ST6GALNAC3: variants seen among roughly 807,000 people sequenced by gnomAD.
The protein encoded by ST6GALNAC3 is ST6 N-acetylgalactosaminide alpha-2,6-sialyltransferase 3.
ST6GALNAC3 carries 25 observed loss-of-function variants against 32.7 expected under a neutral mutation model. The ratio of observed to expected loss-of-function variants is 0.76; its 90% confidence interval spans 0.56 to 1.07. The LOEUF (loss-of-function observed/expected upper bound fraction) is 1.07, where lower values mean the gene tolerates loss of function less well. Among genes scored for constraint, ST6GALNAC3 ranks in the 50% least tolerant of loss-of-function variants. ST6GALNAC3 has a pLI of 0.00. For synonymous variants in ST6GALNAC3, 129 were observed against 133.1 expected (o/e 0.97, Z 0.21); for missense variants, 355 against 382.4 (o/e 0.93, Z 0.60).
At chr1:76,475,111 C>G (rs114643919) in intron 3 of ST6GALNAC3, among the ~76,000 whole-genome samples, 69 of 152,260 alleles carry the variant, frequency 4.5e-4, no homozygotes, top group African/African-American at 1.5e-3. Flanking sequence ...GGCGAGGTTT[C>G]ACCTGGCAGT....
At chr1:76,360,507 A>G (rs1649844155) in intron 2 of ST6GALNAC3, among the ~76,000 whole-genome samples, 1 of 152,182 alleles carries the variant, frequency 6.6e-6, no homozygotes, top group African/African-American at 2.4e-5. Context: ...TTAGGCCCCA[A>G]TTTCAAATAT....
chr1:76,177,707 T>C (rs1356473995), intron 1 of ST6GALNAC3, among the ~76,000 whole-genome samples: 1 of 152,152 alleles, frequency 6.6e-6, no homozygotes, highest in Non-Finnish European at 1.5e-5. Flanking sequence ...GTCAGATGAT[T>C]CCCGAAGATA....
chr1:76,098,643 A>G (rs541003271), intron 1 of ST6GALNAC3, among the ~76,000 whole-genome samples: 59 of 152,190 alleles, frequency 3.9e-4, no homozygotes, highest in African/African-American at 1.4e-3. Flanking sequence ...TTAGGGGGGT[A>G]GGAGTGTTTT....
At chr1:76,192,839 G>A (rs375982652) in intron 1 of ST6GALNAC3, among the ~76,000 whole-genome samples, 2 of 152,266 alleles carry the variant, frequency 1.3e-5, no homozygotes, top group East Asian at 3.9e-4. Context: ...TGAAGAGCCT[G>A]ACCTTATGAA....
intron 3 of ST6GALNAC3, among the ~76,000 whole-genome samples, chr1:76,510,150 G>A (rs1661755598): frequency 6.6e-6 from 1 of 152,134 alleles, no homozygotes; most frequent in Admixed American, 6.6e-5. Flanking sequence ...TCAAAGGCTT[G>A]GATGGCATAG....
intron 2 of ST6GALNAC3, among the ~76,000 whole-genome samples, chr1:76,339,930 G>T (rs552998622): frequency 2.3e-4 from 35 of 152,342 alleles, no homozygotes; most frequent in African/African-American, 6.5e-4. Flanking sequence ...CCTCAAGGAA[G>T]TGGGAGAGAA....
intron 3 of ST6GALNAC3, among the ~76,000 whole-genome samples, chr1:76,547,194 T>C (rs1015541406): frequency 9.2e-5 from 14 of 152,206 alleles, no homozygotes; most frequent in Admixed American, 7.9e-4. Context: ...TACTATCTTA[T>C]GGAATAACTT....
At position 76,468,303 on chromosome 1, in the gene ST6GALNAC3, A is replaced by T. The variant is rs12409995; in HGVS notation, c.623+55886A>T. ...CAAATAGACACAAACATTTCCTCTAAATACTTCAGTGCCTGTGATTTAAGT... is the reference window on the plus strand; with the variant it reads ...CAAATAGACACAAACATTTCCTCTATATACTTCAGTGCCTGTGATTTAAGT... On this transcript the variant is annotated intron_variant, in intron 3 of 4. Transcript: ENST00000328299. Among the ~76,000 whole-genome samples the T allele has an allele frequency of 7.9e-3, 1,201 of 152,082 alleles. 50 individuals are homozygous for T. The highest frequency in any genetic ancestry group is 0.06 in the Admixed American group (920 of 15,224).
chr1:76,282,545 A>G (rs1002169184), intron 1 of ST6GALNAC3, among the ~76,000 whole-genome samples: 1 of 152,270 alleles, frequency 6.6e-6, no homozygotes, highest in South Asian at 2.1e-4. Context: ...AGTTTTATCA[A>G]TAGTGCAGCA....
chr1:76,221,720 AT>A (rs1655783398), intron 1 of ST6GALNAC3, among the ~76,000 whole-genome samples: 2 of 152,062 alleles, frequency 1.3e-5, no homozygotes, highest in South Asian at 4.1e-4. Context: ...ATGATAATGA[AT>A]TTTTTTCCAC....
At chr1:76,595,034 G>C (rs1237386763) in intron 3 of ST6GALNAC3, among the ~76,000 whole-genome samples, 1 of 152,074 alleles carries the variant, frequency 6.6e-6, no homozygotes, top group African/African-American at 2.4e-5. Flanking sequence ...AAAAAAAGGA[G>C]AGCTGTTTTG....
chr1:76,403,098 A>G (rs1451552164), intron 2 of ST6GALNAC3, among the ~76,000 whole-genome samples: 1 of 152,140 alleles, frequency 6.6e-6, no homozygotes, highest in East Asian at 1.9e-4. Flanking sequence ...TCCATTTACC[A>G]CTAGCTTTAT....
At chr1:76,564,789 T>G (rs1167114882) in intron 3 of ST6GALNAC3, among the ~76,000 whole-genome samples, 2 of 152,150 alleles carry the variant, frequency 1.3e-5, no homozygotes, top group African/African-American at 4.8e-5. Flanking sequence ...GTTTCACCGT[T>G]AGCCAGGATG....
chr1:76,179,211 A>G (rs1401390572), intron 1 of ST6GALNAC3, among the ~76,000 whole-genome samples: 1 of 152,222 alleles, frequency 6.6e-6, no homozygotes, highest in Non-Finnish European at 1.5e-5. Context: ...TACTTGGTGT[A>G]CCTTTGTGAA....
At chr1:76,387,590 A>G (rs1019929551) in intron 2 of ST6GALNAC3, among the ~76,000 whole-genome samples, 5 of 152,084 alleles carry the variant, frequency 3.3e-5, no homozygotes, top group Non-Finnish European at 7.4e-5. Flanking sequence ...CCTTGGCCCA[A>G]GTATTTAAGT....
chr1:76,410,145 A>G (rs1451206204), intron 2 of ST6GALNAC3, among the ~76,000 whole-genome samples: 1 of 152,050 alleles, frequency 6.6e-6, no homozygotes, highest in East Asian at 1.9e-4. Flanking sequence ...GAGCCCTTCA[A>G]TGGCGCTTCA....
intron 3 of ST6GALNAC3, among the ~76,000 whole-genome samples, chr1:76,510,674 G>A (rs1157670075): frequency 6.6e-6 from 1 of 152,182 alleles, no homozygotes; most frequent in Non-Finnish European, 1.5e-5. Context: ...ATTGGAAGTT[G>A]AAAATAGTGG....
chr1:76,527,058 T>A (rs781084128), intron 3 of ST6GALNAC3, among the ~76,000 whole-genome samples: 2 of 152,106 alleles, frequency 1.3e-5, no homozygotes, highest in Non-Finnish European at 1.5e-5. Flanking sequence ...CAAGCTTGAA[T>A]TAGACTTGAA....
intron 3 of ST6GALNAC3, among the ~76,000 whole-genome samples, chr1:76,564,361 A>G (rs1464600406): frequency 1.3e-5 from 2 of 152,052 alleles, no homozygotes; most frequent in African/African-American, 4.8e-5. Flanking sequence ...TTTCTTAAAG[A>G]TTCTCACTTC....
Sources: gnomAD v4.1 joint callset for allele counts (sites outside exome capture counted in the v4.1 genomes callset) on GRCh38, gnomAD v4.1.1 for gene constraint, MANE v1.5 for transcripts, NCBI Gene and HGNC (gene_info 2026-07-23, HGNC 2026-07-21) for gene names.